PNPLA7: variants seen among roughly 807,000 people sequenced by gnomAD.
The protein encoded by PNPLA7 is patatin like domain 7, lysophospholipase, also known as patatin-like phospholipase domain-containing protein 7.
In PNPLA7, 153 loss-of-function variants were observed where a neutral mutation model predicts 161.7. The observed-to-expected ratio is 0.95, with a 90% CI of 0.83 to 1.08. The LOEUF is 1.08. Ranked by LOEUF, PNPLA7 falls within the 50% of genes least tolerant of loss-of-function variation. The pLI is 0.00. For missense variants in PNPLA7, 1,739 were observed against 1,856.6 expected, an observed-to-expected ratio of 0.94 and a Z score of 1.16; for synonymous variants, 809 against 782.1, an observed-to-expected ratio of 1.03 and a Z score of -0.57.
At chr9:137,512,963 A>G (rs1235671133) in intron 12 of PNPLA7, among the ~76,000 whole-genome samples, 2 of 130,028 alleles carry the variant, frequency 1.5e-5, no homozygotes, top group African/African-American at 7.0e-5. Context: ...CCTCTGTCTG[A>G]AAAAAAAAAA....
At chr9:137,503,786 G>GA (rs374070077) in intron 14 of PNPLA7, among the ~76,000 whole-genome samples, 1 of 3,348 alleles carries the variant, frequency 3.0e-4, no homozygotes, top group African/African-American at 3.1e-3. Flanking sequence ...AAAGAAAGAA[G>GA]AGAATGAAGA....
At chr9:137,515,689 G>A (rs888073361) in intron 11 of PNPLA7, among the ~76,000 whole-genome samples, 170 bp from the exon 12 acceptor site, 2 of 151,656 alleles carry the variant, frequency 1.3e-5, no homozygotes, top group East Asian at 3.9e-4. Context: ...GGGCCAGCAG[G>A]TGAGTGCAAG....
At chr9:137,544,515 C>T (rs979358042) in intron 4 of PNPLA7, among the ~76,000 whole-genome samples, 1 of 152,184 alleles carries the variant, frequency 6.6e-6, no homozygotes, top group Non-Finnish European at 1.5e-5. Context: ...TAAGCCTGTC[C>T]CAGACCCAGC....
chr9:137,514,784 G>T (rs1430570234), intron 12 of PNPLA7, among the ~76,000 whole-genome samples: 1 of 145,226 alleles, frequency 6.9e-6, no homozygotes, highest in Non-Finnish European at 1.5e-5. Flanking sequence ...GGCTGCAGGT[G>T]GGTCACCTGA....
Position 137,540,006 on chromosome 9 carries a change from G to A in PNPLA7, c.747+636C>T, listed in dbSNP as rs180907449. Among the ~76,000 whole-genome samples the A allele has an allele frequency of 3.9e-5, 6 of 152,172 alleles. No homozygotes were observed. The highest frequency in any genetic ancestry group is 3.9e-4 in the East Asian group (2 of 5,176). ...TCACCACGTTGGCCAGGCTGGTCTC[G>A]ATCTCTTGACCTTGTGATCCACCCA... On this transcript the variant is annotated intron_variant, in intron 8 of 34. Coordinates refer to ENST00000406427, the MANE Select transcript of PNPLA7 (RefSeq NM_001098537.3). The surrounding 1 kb of genome is among the most constrained non-coding windows in gnomAD (Gnocchi z 5.1).
chr9:137,531,238 A>C (rs1293882175), intron 8 of PNPLA7, among the ~76,000 whole-genome samples: 1 of 152,100 alleles, frequency 6.6e-6, no homozygotes, highest in African/African-American at 2.4e-5. Context: ...CACCAACCGC[A>C]TCAGCTGGGC....
At position 137,523,384 on chromosome 9, in the gene PNPLA7, G is replaced by A. The variant is rs529816377; in HGVS notation, c.748-527C>T. Among the ~76,000 whole-genome samples, 51 of 152,256 alleles carry A rather than the reference G, an allele frequency of 3.3e-4. No homozygotes were observed. The South Asian group carries it at 9.7e-3, about 29-fold the overall frequency. On this transcript the variant is annotated intron_variant, in intron 8 of 34. Coordinates refer to ENST00000406427, the MANE Select transcript of PNPLA7 (RefSeq NM_001098537.3). The surrounding 1 kb of genome is among the most constrained non-coding windows in gnomAD (Gnocchi z 4.4). ...CCGGGTCGCACGAGGCCCAGGTGAG[G>A]AGCCACAGTGGCTCACCGCGTGGAT...
At chr9:137,530,089 C>T (rs775834421) in intron 8 of PNPLA7, among the ~76,000 whole-genome samples, 68 of 152,066 alleles carry the variant, frequency 4.5e-4, no homozygotes, top group Admixed American at 7.2e-4. Context: ...CTCAGCCTCC[C>T]GAGTAGATGA....
intron 18 of PNPLA7, among the ~76,000 whole-genome samples, chr9:137,496,449 C>T (rs79412465): frequency 0.12 from 18,270 of 152,030 alleles, 1,231 homozygotes; most frequent in East Asian, 0.23. Flanking sequence ...CAGTGGCTCA[C>T]GTCTGTAATC....
At chr9:137,460,549 G>A in intron 34 of PNPLA7, 73 bp from the exon 35 acceptor site, 1 of 1,596,128 alleles carries the variant, frequency 6.3e-7, no homozygotes, top group Non-Finnish European at 8.6e-7. Context: ...AACCCGGTGG[G>A]ACCACAGGGA....
At chr9:137,536,009 C>T (rs1342550193) in intron 8 of PNPLA7, among the ~76,000 whole-genome samples, 7 of 150,888 alleles carry the variant, frequency 4.6e-5, no homozygotes, top group Non-Finnish European at 8.9e-5. Context: ...AAAAATTAGC[C>T]GGGCGTGGCA....
At chr9:137,477,749 C>A (rs938590202) in intron 25 of PNPLA7, among the ~76,000 whole-genome samples, 1 of 152,218 alleles carries the variant, frequency 6.6e-6, no homozygotes, top group Non-Finnish European at 1.5e-5. Context: ...GCCCAAGCAA[C>A]CACTTCTAAG....
Position 137,462,230 on chromosome 9 carries a change from G to C in PNPLA7, c.3594C>G (p.Pro1198=), listed in dbSNP as rs1410850442. The change falls in exon 31 of 35, where the codon CCC becomes CCG. Residue 1198 remains proline, a synonymous_variant. Transcript: ENST00000406427. The part of the protein sequence containing the change: ...KSSDYCEYLR[P]PIDSYSTLDF... The stretch of plus-strand genomic sequence containing the variant: ...CCAGGGTGCTGTAGCTGTCGATGGG[G>C]GGGCGCAGGTACTCGCAGTAGTCAC... 1.9e-6 allele frequency: 3 copies of C among 1,606,882 alleles called. No individual in the cohort carries two copies. The highest frequency in any genetic ancestry group is 2.6e-6 in the Non-Finnish European group (3 of 1,176,202).
chr9:137,479,633 C>T (rs1179951710), intron 23 of PNPLA7: 1 of 985,416 alleles, frequency 1.0e-6, no homozygotes, highest in Non-Finnish European at 1.2e-6. Flanking sequence ...TTAGCCCAGG[C>T]AGGCTTGTGA....
chr9:137,474,856 C>CAAAAAA (rs750987273), intron 25 of PNPLA7, among the ~76,000 whole-genome samples: 13 of 107,318 alleles, frequency 1.2e-4, no homozygotes, highest in African/African-American at 4.4e-4. Context: ...ACTAAAAATA[C>CAAAAAA]AAAAAAAAAA....
intron 23 of PNPLA7, 94 bp downstream of exon 23, chr9:137,480,218 T>C: frequency 6.9e-7 from 1 of 1,458,212 alleles, no homozygotes; most frequent in Non-Finnish European, 9.3e-7. Context: ...TGTCTTTTTC[T>C]GAGTTTGTGC....
intron 25 of PNPLA7, among the ~76,000 whole-genome samples, chr9:137,477,085 C>T (rs1831972710): frequency 1.3e-5 from 2 of 152,354 alleles, no homozygotes; most frequent in South Asian, 2.1e-4. Context: ...GCAGCCCTGG[C>T]CTGGACCCCC....
At chr9:137,522,131 G>A (rs1439533461) in intron 9 of PNPLA7, among the ~76,000 whole-genome samples, 1 of 152,172 alleles carries the variant, frequency 6.6e-6, no homozygotes, top group Non-Finnish European at 1.5e-5. Context: ...CTGGAGTGCA[G>A]TGGCACCATC....
At position 137,461,944 on chromosome 9, in the gene PNPLA7, T is replaced by G. The variant is rs1260187894; in HGVS notation, c.3743A>C (p.Lys1248Thr). Residue 1248 changes from lysine to threonine, a missense_variant, in exon 32 of 35, where the codon AAG becomes ACG. By Grantham distance (78) the Lys-to-Thr change is moderately conservative. Around this residue, in one of 6 missense-constraint regions of PNPLA7, gnomAD observed 703 missense variants for 694.6 expected, o/e 1.01. Transcript: ENST00000406427. ...MLRDQQGPSK[K>T]PASAVLTCPN... ...GCCCGTACTCACCGCACTCGCGGGCTTCTTGCTCGGCCCCTGCTGGTCGCG... is the reference window on the plus strand; with the variant it reads ...GCCCGTACTCACCGCACTCGCGGGCGTCTTGCTCGGCCCCTGCTGGTCGCG... 1 of 1,580,540 alleles carries G rather than the reference T, an allele frequency of 6.3e-7. No homozygotes were observed. The highest frequency in any genetic ancestry group is 1.8e-5 in the Admixed American group (1 of 56,584).
Sources: allele counts gnomAD v4.1 joint callset (sites outside exome capture counted in the v4.1 genomes callset), GRCh38; gene constraint gnomAD v4.1.1; regional missense constraint gnomAD v4.1.1; non-coding constraint Gnocchi (gnomAD v3.1); transcripts MANE v1.5; gene names NCBI Gene and HGNC (gene_info 2026-07-23, HGNC 2026-07-21).